The following TCF12 variants were observed in gnomAD, a reference collection of about 807,000 sequenced individuals.
TCF12 encodes DNA-binding protein HTF4.
A neutral mutation model predicts 86.0 loss-of-function variants in TCF12; 45 were observed. That is an observed-to-expected ratio of 0.52 (90% CI 0.41 to 0.67). TCF12 has a LOEUF of 0.67. Among genes scored for constraint, TCF12 ranks in the 30% least tolerant of loss-of-function variants. The probability of loss-of-function intolerance (pLI) is 0.00; values close to 1 mark genes in which losing one functional copy is unlikely to be tolerated. For synonymous variants in TCF12, 330 were observed against 299.6 expected (o/e 1.10, Z -1.05); for missense variants, 881 against 859.9 (o/e 1.02, Z -0.31).
At chr15:57,104,662 C>CT (rs1405809448) in intron 5 of TCF12, among the ~76,000 whole-genome samples, 4 of 151,604 alleles carry the variant, frequency 2.6e-5, no homozygotes, top group Admixed American at 1.3e-4. Flanking sequence ...TCTCAGACTC[C>CT]TGACCTCAGG....
At chr15:57,066,632 A>T (rs1016486091) in intron 4 of TCF12, among the ~76,000 whole-genome samples, 6 of 152,190 alleles carry the variant, frequency 3.9e-5, no homozygotes, top group African/African-American at 1.4e-4. Context: ...GGGTATTAGA[A>T]ACTGCAAAAT....
At chr15:57,134,860 T>C (rs1357499566) in intron 5 of TCF12, among the ~76,000 whole-genome samples, 2 of 151,346 alleles carry the variant, frequency 1.3e-5, no homozygotes, top group Non-Finnish European at 2.9e-5. Context: ...AATCTAATTA[T>C]AAAATGTACA....
chr15:56,933,799 A>G (rs1312354826), intron 3 of TCF12, among the ~76,000 whole-genome samples: 3 of 152,124 alleles, frequency 2.0e-5, no homozygotes, highest in African/African-American at 7.2e-5. Context: ...TAAAACTTAA[A>G]CATTTCTGAT....
At chr15:56,951,037 C>G (rs987500831) in intron 3 of TCF12, among the ~76,000 whole-genome samples, 10 of 151,574 alleles carry the variant, frequency 6.6e-5, no homozygotes, top group African/African-American at 2.4e-4. Context: ...ATTACAGATA[C>G]GAGCCACTGC....
chr15:57,112,407 A>G (rs1328197172), intron 5 of TCF12, among the ~76,000 whole-genome samples: 1 of 152,184 alleles, frequency 6.6e-6, no homozygotes, highest in Admixed American at 6.5e-5. Context: ...AGGAAGGAAC[A>G]CTACTCTTTG....
intron 3 of TCF12, among the ~76,000 whole-genome samples, chr15:57,022,697 G>A (rs568514616): frequency 5.3e-5 from 8 of 152,298 alleles, no homozygotes; most frequent in East Asian, 1.9e-4. Context: ...GTGTAAAAGT[G>A]TTCCTATTTC....
chr15:57,241,732 C>T (rs2059638216), intron 12 of TCF12, among the ~76,000 whole-genome samples: 1 of 152,180 alleles, frequency 6.6e-6, no homozygotes, highest in Admixed American at 6.5e-5. Context: ...GTGGCTCACA[C>T]CTGTAATCCC....
intron 8 of TCF12, among the ~76,000 whole-genome samples, chr15:57,229,984 A>G (rs1264147196): frequency 2.0e-5 from 3 of 152,018 alleles, no homozygotes; most frequent in Admixed American, 6.5e-5. Flanking sequence ...CTCTTTTTCT[A>G]TTATTAGTCT....
intron 8 of TCF12, among the ~76,000 whole-genome samples, chr15:57,223,640 G>T (rs1215627126): frequency 2.8e-5 from 1 of 36,202 alleles, no homozygotes; most frequent in African/African-American, 4.5e-5. Flanking sequence ...GCCTACCAAT[G>T]AGGTTTTTTT....
At chr15:57,198,632 G>A (rs1325179963) in intron 8 of TCF12, among the ~76,000 whole-genome samples, 2 of 152,098 alleles carry the variant, frequency 1.3e-5, no homozygotes, top group Non-Finnish European at 2.9e-5. Context: ...TGCAAAAAAC[G>A]GAAGTTTTTT....
chr15:57,109,495 T>A (rs993391819), intron 5 of TCF12, among the ~76,000 whole-genome samples: 1 of 152,252 alleles, frequency 6.6e-6, no homozygotes, highest in African/African-American at 2.4e-5. Flanking sequence ...GTATTTTGTT[T>A]ATCCTTTTTC....
At chr15:57,190,200 T>A (rs75027461) in intron 6 of TCF12, among the ~76,000 whole-genome samples, 247 of 152,332 alleles carry the variant, frequency 1.6e-3, no homozygotes, top group African/African-American at 5.7e-3. Flanking sequence ...GCCACTGATT[T>A]GAAATGAAAT....
Position 57,273,672 on chromosome 15 carries a change from C to T in TCF12, c.1978+410C>T, listed in dbSNP as rs147952564. ...TGCCTGCTCTACTTTGGAGTATCTA[C>T]CGTGCCCTGCTGGTTAATAGGATGC... On this transcript the variant is annotated intron_variant, in intron 19 of 20. Coordinates refer to ENST00000333725, the MANE Select transcript of TCF12 (RefSeq NM_207037.2). Among the ~76,000 whole-genome samples the T allele has an allele frequency of 2.5e-3, 375 of 152,214 alleles. 2 individuals are homozygous for T. The highest frequency in any genetic ancestry group is 0.01 in the Middle Eastern group (3 of 294).
At chr15:57,189,063 A>G (rs2056840434) in intron 6 of TCF12, among the ~76,000 whole-genome samples, 1 of 152,230 alleles carries the variant, frequency 6.6e-6, no homozygotes, top group Non-Finnish European at 1.5e-5. Context: ...TAATAGGATC[A>G]CAGGCGTGAG....
chr15:57,246,332 C>A (rs1214734029), intron 13 of TCF12, among the ~76,000 whole-genome samples: 1 of 152,110 alleles, frequency 6.6e-6, no homozygotes, highest in East Asian at 1.9e-4. Context: ...ATAGAGAGTG[C>A]TTAGAAGGAA....
At chr15:57,040,509 T>C (rs2066826689) in intron 3 of TCF12, among the ~76,000 whole-genome samples, 1 of 152,176 alleles carries the variant, frequency 6.6e-6, no homozygotes, top group Admixed American at 6.5e-5. Flanking sequence ...TTCTGAAAAG[T>C]TTACTGCCTT....
chr15:57,129,229 G>A (rs961571711), intron 5 of TCF12, among the ~76,000 whole-genome samples: 1 of 152,176 alleles, frequency 6.6e-6, no homozygotes, highest in South Asian at 2.1e-4. Flanking sequence ...TTAATGGTGT[G>A]AAAACCTCAC....
intron 5 of TCF12, among the ~76,000 whole-genome samples, chr15:57,123,282 A>G (rs936566578): frequency 2.0e-5 from 3 of 152,210 alleles, no homozygotes. Context: ...TATAATTAGC[A>G]TTATTTTTGG....
chr15:57,044,645 T>G (rs1296380600), intron 3 of TCF12, among the ~76,000 whole-genome samples: 1 of 152,170 alleles, frequency 6.6e-6, no homozygotes, highest in Admixed American at 6.5e-5. Flanking sequence ...TGGTCAAAAT[T>G]TTATGGATCT....
Sources: gnomAD v4.1 joint callset for allele counts (sites outside exome capture counted in the v4.1 genomes callset) on GRCh38, gnomAD v4.1.1 for gene constraint, MANE v1.5 for transcripts, NCBI Gene and HGNC (gene_info 2026-07-23, HGNC 2026-07-21) for gene names.